Variants in SLC8A1 observed in about 807,000 individuals in gnomAD.
SLC8A1 encodes solute carrier family 8 member A1.
SLC8A1 carries 18 observed loss-of-function variants against 68.3 expected under a neutral mutation model. The observed-to-expected ratio is 0.26, with a 90% CI of 0.18 to 0.39. The LOEUF is 0.39. SLC8A1 is among the 10% of genes least tolerant of loss of function. The pLI is 1.00. For missense variants in SLC8A1, 985 were observed against 1,156.7 expected (o/e 0.85, Z 2.15); for synonymous variants, 475 against 415.5 (o/e 1.14, Z -1.74).
At chr2:40,426,825 T>C (rs911025423) in intron 2 of SLC8A1, among the ~76,000 whole-genome samples, 2 of 151,936 alleles carry the variant, frequency 1.3e-5, no homozygotes, top group African/African-American at 4.8e-5. Context: ...GGTTCAATAA[T>C]TGAAATGATT....
At chr2:40,204,222 T>C (rs2054944458) in intron 2 of SLC8A1, among the ~76,000 whole-genome samples, 1 of 152,072 alleles carries the variant, frequency 6.6e-6, no homozygotes, top group Non-Finnish European at 1.5e-5. Flanking sequence ...CTTTTAAGAT[T>C]GCTTTAGACT....
intron 2 of SLC8A1, among the ~76,000 whole-genome samples, chr2:40,255,379 C>G (rs1277922150): frequency 6.6e-6 from 1 of 152,122 alleles, no homozygotes; most frequent in Non-Finnish European, 1.5e-5. Context: ...CACAATGCCA[C>G]CCAGCTATTG....
At chr2:40,347,848 T>G (rs750842265) in intron 2 of SLC8A1, among the ~76,000 whole-genome samples, 1 of 152,208 alleles carries the variant, frequency 6.6e-6, no homozygotes, top group Non-Finnish European at 1.5e-5. Flanking sequence ...ATTTTCATCT[T>G]GAAATCAACC....
At chr2:40,302,711 G>C (rs938882143) in intron 2 of SLC8A1, among the ~76,000 whole-genome samples, 2 of 152,044 alleles carry the variant, frequency 1.3e-5, no homozygotes, top group Non-Finnish European at 2.9e-5. Flanking sequence ...GCATGTGCAA[G>C]TATCTTTTTT....
intron 2 of SLC8A1, among the ~76,000 whole-genome samples, chr2:40,293,086 A>G (rs2069637780): frequency 1.3e-5 from 2 of 152,070 alleles, no homozygotes; most frequent in South Asian, 2.1e-4. Context: ...ATCTTTACAC[A>G]TGCTGTTTCT....
intron 2 of SLC8A1, among the ~76,000 whole-genome samples, chr2:40,354,505 C>T (rs909674560): frequency 6.6e-6 from 1 of 152,228 alleles, no homozygotes; most frequent in African/African-American, 2.4e-5. Context: ...AGCAAAGGAC[C>T]TAGAAGGCAT....
chr2:40,410,933 C>T (rs1316362068), intron 2 of SLC8A1, among the ~76,000 whole-genome samples: 2 of 151,962 alleles, frequency 1.3e-5, no homozygotes, highest in Admixed American at 6.6e-5. Context: ...AAATGGGATT[C>T]AAAATGGGAT....
intron 6 of SLC8A1, among the ~76,000 whole-genome samples, chr2:40,147,615 A>G (rs1365308934): frequency 2.0e-5 from 3 of 152,206 alleles, no homozygotes; most frequent in African/African-American, 7.2e-5. Context: ...CTGTGTCTAA[A>G]TTAGCCTCCT....
intron 2 of SLC8A1, among the ~76,000 whole-genome samples, chr2:40,205,333 A>AT (rs1171949529): frequency 6.6e-6 from 1 of 152,048 alleles, no homozygotes; most frequent in Non-Finnish European, 1.5e-5. Flanking sequence ...CTATTGACCC[A>AT]TTTTGAAGTA....
intron 2 of SLC8A1, among the ~76,000 whole-genome samples, chr2:40,338,760 T>C (rs1240426847): frequency 1.3e-5 from 2 of 152,342 alleles, no homozygotes; most frequent in East Asian, 3.9e-4. Context: ...TTTCTTCTTT[T>C]AGAAATTTCC....
rs540763778 is a variant in SLC8A1 at position 40,134,702 on chromosome 2, A to G, written c.2437+4699T>C. Among the ~76,000 whole-genome samples, 4 of 152,294 alleles carry G rather than the reference A, an allele frequency of 2.6e-5. No individual in the cohort carries two copies. The East Asian group carries it at 5.8e-4, about 22-fold the overall frequency. ...GCTAGAAGTTATTAGGAAGAAAGCA[A>G]TCTGATTGAACCAACTTGTACTAAT... is the stretch of plus-strand genomic sequence containing the variant. On this transcript the variant is annotated intron_variant, in intron 7 of 7. Coordinates refer to ENST00000406785, the Ensembl canonical transcript of SLC8A1.
rs148484962 is a variant in SLC8A1, at chr2:40,457,871, C to A, written c.-24-27567G>T. On this transcript the variant is annotated intron_variant, in intron 1 of 7. Transcript: ENST00000402441. ...AGAAATCCTTGTGAACTAGTTGGGG[C>A]TGCTATGGTTACTCTCATTTTACAG... 4.9e-4 allele frequency among the ~76,000 whole-genome samples: 74 copies of A among 152,274 alleles called. 1 individual carries two copies. In the East Asian group the frequency reaches 0.013, roughly 27 times the overall value.
At chr2:40,447,484 G>C (rs1174828383) in intron 1 of SLC8A1, among the ~76,000 whole-genome samples, 1 of 151,464 alleles carries the variant, frequency 6.6e-6, no homozygotes, top group Non-Finnish European at 1.5e-5. Flanking sequence ...TGCACTAACT[G>C]GGCAGCAACC....
chr2:40,111,048 GA>G (rs1158798793), exon 8 of SLC8A1: 1 of 152,138 alleles, frequency 6.6e-6, no homozygotes. Flanking sequence ...GGCCACAGGG[GA>G]AAGGCATGCA....
intron 1 of SLC8A1, among the ~76,000 whole-genome samples, chr2:40,466,731 A>G (rs1703696091): frequency 6.6e-6 from 1 of 152,082 alleles, no homozygotes. Context: ...CTAATAATTC[A>G]TGTTGGTTTG....
exon 8 of SLC8A1, chr2:40,098,439 A>G (rs1249833050): frequency 6.6e-6 from 1 of 152,038 alleles, no homozygotes; most frequent in Non-Finnish European, 1.5e-5. Context: ...CCTTCTGTAC[A>G]ACATTGTTAG....
intron 1 of SLC8A1, among the ~76,000 whole-genome samples, chr2:40,492,919 T>C (rs1705416943): frequency 6.6e-6 from 1 of 151,714 alleles, no homozygotes; most frequent in Non-Finnish European, 1.5e-5. Flanking sequence ...AGTTCAACCA[T>C]TGTGGAAGTC....
chr2:40,431,504 C>T (rs1698288017), intron 1 of SLC8A1, among the ~76,000 whole-genome samples: 2 of 152,044 alleles, frequency 1.3e-5, no homozygotes, highest in South Asian at 2.1e-4. Context: ...AGTCCACCCA[C>T]CAGCTCAAGC....
chr2:40,501,872 C>T (rs1706079956), intron 1 of SLC8A1, among the ~76,000 whole-genome samples: 1 of 152,018 alleles, frequency 6.6e-6, no homozygotes, highest in African/African-American at 2.4e-5. Flanking sequence ...CTCAGATTAT[C>T]TTATAACCAG....
Sources: gnomAD v4.1 joint callset for allele counts (sites outside exome capture counted in the v4.1 genomes callset) on GRCh38, gnomAD v4.1.1 for gene constraint, MANE v1.5 for transcripts, NCBI Gene and HGNC (gene_info 2026-07-23, HGNC 2026-07-21) for gene names.